The following SH2D4B variants were observed in gnomAD, a reference collection of about 807,000 sequenced individuals.
SH2D4B encodes the protein SH2 domain-containing protein 4B.
Under a neutral mutation model 61.5 loss-of-function variants are expected in SH2D4B, and 45 were observed. The observed-to-expected ratio is 0.73, with a 90% CI of 0.58 to 0.94. The LOEUF (loss-of-function observed/expected upper bound fraction) is 0.94, where lower values mean the gene tolerates loss of function less well. SH2D4B is among the 40% of genes least tolerant of loss of function. The pLI, the probability that SH2D4B is intolerant of heterozygous loss-of-function variation, is 0.00. For missense variants in SH2D4B, 572 were observed against 574.2 expected (o/e 1.00, Z 0.04); for synonymous variants, 224 against 220.4 (o/e 1.02, Z -0.14).
intron 1 of SH2D4B, among the ~76,000 whole-genome samples, chr10:80,543,233 G>C (rs976019807): frequency 2.6e-5 from 4 of 152,128 alleles, no homozygotes; most frequent in Non-Finnish European, 5.9e-5. Flanking sequence ...GCCAAGGCCG[G>C]AGCCGGCTCC....
chr10:80,632,805 G>A (rs1589364644), intron 6 of SH2D4B, among the ~76,000 whole-genome samples: 1 of 152,040 alleles, frequency 6.6e-6, no homozygotes, highest in Admixed American at 6.6e-5. Flanking sequence ...GCAGCGGGGT[G>A]CATCCTCCCT....
At chr10:80,588,878 C>G (rs1260964541) in intron 4 of SH2D4B, 101 bp downstream of exon 4, 1 of 1,424,664 alleles carries the variant, frequency 7.0e-7, no homozygotes, top group African/African-American at 1.4e-5. Flanking sequence ...TTCGCTCACT[C>G]ACCCCATCAG....
intron 1 of SH2D4B, among the ~76,000 whole-genome samples, chr10:80,556,245 G>A (rs548741361): frequency 1.3e-5 from 2 of 152,066 alleles, no homozygotes; most frequent in South Asian, 2.1e-4. Context: ...GACCATGTAC[G>A]TGTGGGACTA....
At chr10:80,567,940 C>A (rs1313477171) in intron 1 of SH2D4B, among the ~76,000 whole-genome samples, 2 of 152,222 alleles carry the variant, frequency 1.3e-5, no homozygotes, top group African/African-American at 2.4e-5. Flanking sequence ...CTGTTCGCTT[C>A]CATGTCCCAG....
rs118105769 is a variant in SH2D4B at position 80,553,376 on chromosome 10, G to A, written c.184+14861G>A. Among the ~76,000 whole-genome samples, 1,290 of 152,326 alleles carry A rather than the reference G, an allele frequency of 8.5e-3. 6 individuals are homozygous for A. The highest frequency in any genetic ancestry group is 0.012 in the Non-Finnish European group (848 of 68,034). The stretch of plus-strand genomic sequence containing the variant: ...AGCTCCCTCATTTTACAGATTAAGC[G>A]ATTTTGATCCCAGAGATTTTAAGGA... On this transcript the variant is annotated intron_variant, in intron 1 of 7. Coordinates refer to ENST00000646907, the MANE Select transcript of SH2D4B (RefSeq NM_001388272.1).
At position 80,574,770 on chromosome 10, in the gene SH2D4B, G is replaced by A. The variant is rs143277339; in HGVS notation, c.495+3192G>A. On this transcript the variant is annotated intron_variant, in intron 3 of 7. Coordinates refer to ENST00000646907, the MANE Select transcript of SH2D4B (RefSeq NM_001388272.1). Reference sequence around the variant, plus strand: ...GGCTGGAGTGCAATGGCGCAATCTCGGCTCACTGAAGCCTCCACCTCCCAG... The same window carrying A: ...GGCTGGAGTGCAATGGCGCAATCTCAGCTCACTGAAGCCTCCACCTCCCAG... 7.9e-3 allele frequency among the ~76,000 whole-genome samples: 1,200 copies of A among 152,104 alleles called. 18 individuals carry two copies. Among genetic ancestry groups the A allele is most frequent in the African/African-American group, 0.028 (1,155 of 41,490 alleles).
intron 1 of SH2D4B, among the ~76,000 whole-genome samples, chr10:80,557,210 C>T (rs992233237): frequency 3.3e-5 from 5 of 151,942 alleles, no homozygotes; most frequent in Non-Finnish European, 5.9e-5. Context: ...GAATGTTGAA[C>T]CAACCTTAAA....
chr10:80,541,249 C>G (rs182913283), intron 1 of SH2D4B, among the ~76,000 whole-genome samples: 27 of 152,322 alleles, frequency 1.8e-4, no homozygotes, highest in African/African-American at 6.3e-4. Flanking sequence ...GAGCCATGGA[C>G]AAGTCACCCT....
At position 80,618,879 on chromosome 10, in the gene SH2D4B, T is replaced by C. The variant is rs111729339; in HGVS notation, c.988+9328T>C. Among the ~76,000 whole-genome samples, 164 of 151,908 alleles carry C rather than the reference T, an allele frequency of 1.1e-3. 1 individual carries two copies. The highest frequency in any genetic ancestry group is 3.8e-3 in the African/African-American group (158 of 41,426). On this transcript the variant is annotated intron_variant, in intron 6 of 7. Transcript: ENST00000646907. ...ATAATTTCAGGGAACGGAATGGAGG[T>C]GGAGGGGCTGGGAACAGAATTCTGG...
intron 1 of SH2D4B, among the ~76,000 whole-genome samples, chr10:80,567,513 G>C (rs1589337943): frequency 6.6e-6 from 1 of 152,184 alleles, no homozygotes; most frequent in Non-Finnish European, 1.5e-5. Context: ...TCTCTATCAG[G>C]TCTGAATGTG....
At chr10:80,602,717 C>T (rs980592330) in intron 4 of SH2D4B, among the ~76,000 whole-genome samples, 1 of 152,170 alleles carries the variant, frequency 6.6e-6, no homozygotes, top group African/African-American at 2.4e-5. Context: ...TCCATTAACC[C>T]AGTTGGGCAA....
intron 6 of SH2D4B, among the ~76,000 whole-genome samples, chr10:80,629,435 CTA>C (rs1431256975): frequency 1.3e-5 from 2 of 152,216 alleles, no homozygotes; most frequent in Non-Finnish European, 2.9e-5. Flanking sequence ...CACATCCAAA[CTA>C]TATCAGCAAT....
intron 1 of SH2D4B, among the ~76,000 whole-genome samples, chr10:80,544,202 G>T (rs1414941954): frequency 6.6e-6 from 1 of 152,118 alleles, no homozygotes; most frequent in Non-Finnish European, 1.5e-5. Context: ...CAGCAAGACC[G>T]CGAGCCCACG....
intron 3 of SH2D4B, among the ~76,000 whole-genome samples, chr10:80,587,145 TG>T (rs751461989): frequency 0.051 from 2,250 of 44,494 alleles, 92 homozygotes; most frequent in African/African-American, 0.1. Flanking sequence ...TTTTTTTTTT[TG>T]TTTTGTTTTT....
intron 6 of SH2D4B, among the ~76,000 whole-genome samples, chr10:80,629,742 G>T (rs1842809270): frequency 6.6e-6 from 1 of 152,172 alleles, no homozygotes; most frequent in Admixed American, 6.5e-5. Context: ...ACGTATTCAT[G>T]CATTAACTTA....
intron 4 of SH2D4B, among the ~76,000 whole-genome samples, chr10:80,600,581 A>G (rs1842441341): frequency 6.6e-6 from 1 of 150,914 alleles, no homozygotes; most frequent in African/African-American, 2.5e-5. Context: ...TGAGCTGAGA[A>G]AGTAAGGAAA....
At chr10:80,597,069 A>G (rs1167202431) in intron 4 of SH2D4B, among the ~76,000 whole-genome samples, 2 of 152,236 alleles carry the variant, frequency 1.3e-5, no homozygotes, top group East Asian at 3.8e-4. Flanking sequence ...AGTAATCTAG[A>G]GCTGATTTAA....
At chr10:80,630,789 T>C (rs1354213993) in intron 6 of SH2D4B, among the ~76,000 whole-genome samples, 1 of 152,084 alleles carries the variant, frequency 6.6e-6, no homozygotes. Context: ...TGAAGGGGGC[T>C]GGGATGTGGC....
intron 1 of SH2D4B, among the ~76,000 whole-genome samples, chr10:80,569,172 T>A (rs1014472901): frequency 2.6e-5 from 4 of 152,190 alleles, no homozygotes; most frequent in Admixed American, 6.5e-5. Flanking sequence ...CGGTCTGTTG[T>A]GGGACTGGGA....
Sources: allele counts gnomAD v4.1 joint callset (sites outside exome capture counted in the v4.1 genomes callset), GRCh38; gene constraint gnomAD v4.1.1; transcripts MANE v1.5; gene names NCBI Gene and HGNC (gene_info 2026-07-23, HGNC 2026-07-21).